The following FAXDC2 variants were observed in gnomAD, a reference collection of about 807,000 sequenced individuals.
FAXDC2 encodes fatty acid hydroxylase domain containing 2, also known as fatty acid hydroxylase domain-containing protein 2.
Under a neutral mutation model 40.9 loss-of-function variants are expected in FAXDC2, and 41 were observed. The observed-to-expected ratio is 1.00, with a 90% CI of 0.78 to 1.30. FAXDC2 has a LOEUF of 1.30. FAXDC2 is among the 50% of genes most tolerant of loss of function. The pLI is 0.00. For missense variants in FAXDC2, 390 were observed against 408.8 expected (o/e 0.95, Z 0.40); for synonymous variants, 157 against 149.3 (o/e 1.05, Z -0.38).
rs1057188569 is a variant in FAXDC2, at chr5:154,820,221, G to A, written c.*95C>T. On this transcript the variant is annotated 3_prime_UTR_variant, in exon 9 of 9. Transcript: ENST00000326080. ...ACCCTGGTGGTGCCATCATTAGGGC[G>A]TGTGGCCGAAGGAGGCAAATTGTTA... The A allele has an allele frequency of 3.6e-5, 36 of 1,007,172 alleles. 1 individual carries two copies. The highest frequency in any genetic ancestry group is 9.7e-5 in the South Asian group (6 of 61,798). 62.4% of individuals were successfully genotyped at this position (1,007,172 alleles called of 1,614,324 possible). A position where few individuals can be genotyped will look rare whatever the true frequency, so the allele number is the denominator to read the frequency against.
intron 1 of FAXDC2, among the ~76,000 whole-genome samples, chr5:154,840,060 G>T (rs1203561451): frequency 6.6e-6 from 1 of 152,206 alleles, no homozygotes; most frequent in African/African-American, 2.4e-5. Flanking sequence ...TGACCTCCCA[G>T]AGTCTATAGA....
At position 154,833,350 on chromosome 5, in the gene FAXDC2, G is replaced by T. The variant is rs866745202; in HGVS notation, c.244+1275C>A. On this transcript the variant is annotated intron_variant, in intron 4 of 8. Transcript: ENST00000326080. ...CTAATCTTGGCCTATCTTAATTTTT[G>T]TTTTTTTTTTTTTGAGACAGAGTCG... Among the ~76,000 whole-genome samples, 1,051 of 125,864 alleles carry T rather than the reference G, an allele frequency of 8.4e-3. 10 individuals carry two copies. The highest frequency in any genetic ancestry group is 0.023 in the African/African-American group (801 of 34,166). The allele number at this position is 125,864 out of a possible 152,430, so 82.6% of individuals were successfully genotyped here. A position where few individuals can be genotyped will look rare whatever the true frequency, so the allele number is the denominator to read the frequency against.
At chr5:154,830,638 G>T (rs1760164490) in intron 5 of FAXDC2, 163 bp downstream of exon 5, 1 of 718,884 alleles carries the variant, frequency 1.4e-6, no homozygotes, top group Admixed American at 2.7e-5. Flanking sequence ...GAGGTTGTGG[G>T]CAAATTATTT....
At chr5:154,837,612 TCA>T (rs1244279027) in intron 2 of FAXDC2, among the ~76,000 whole-genome samples, 7 of 152,152 alleles carry the variant, frequency 4.6e-5, no homozygotes, top group Non-Finnish European at 1.0e-4. Context: ...AATTAAAACC[TCA>T]GTTTCACATA....
At position 154,838,170 on chromosome 5, in the gene FAXDC2, T is replaced by G. The variant is rs1463627435; in HGVS notation, c.9A>C (p.Gly3=). 1 of 1,613,660 alleles carries G rather than the reference T, an allele frequency of 6.2e-7. No homozygotes were observed. Among genetic ancestry groups the G allele is most frequent in the East Asian group, 2.2e-5 (1 of 44,848 alleles). The part of the protein sequence containing the change: MK[G]EAGHMLHNEK... Reference sequence around the variant, plus strand: ...CATTGTGTAGCATATGTCCAGCTTCTCCTTTCATCTGGAATGAGAAAGCAC... The same window carrying G: ...CATTGTGTAGCATATGTCCAGCTTCGCCTTTCATCTGGAATGAGAAAGCAC... Residue 3 remains glycine (G), a synonymous_variant, in exon 2 of 9, where the codon GGA becomes GGC. Transcript: ENST00000326080.
At chr5:154,840,511 A>G (rs1193972355) in intron 1 of FAXDC2, among the ~76,000 whole-genome samples, 1 of 151,450 alleles carries the variant, frequency 6.6e-6, no homozygotes, top group Non-Finnish European at 1.5e-5. Flanking sequence ...GGTGTACACC[A>G]CCATGCCCAG....
rs910695174 is a variant in FAXDC2, at chr5:154,820,162, G to C, written c.*154C>G. ...GTAGTTTGAAGAAAGCCTCATCCTT[G>C]GCCCTGCTTTTCCGGGAAGCCGACC... On this transcript the variant is annotated 3_prime_UTR_variant, in exon 9 of 9. Transcript: ENST00000326080. 4.8e-6 allele frequency: 3 copies of C among 623,482 alleles called. No individual in the cohort carries two copies. The highest frequency in any genetic ancestry group is 8.7e-6 in the Non-Finnish European group (3 of 345,258). The allele number at this position is 623,482 out of a possible 1,614,324, so 38.6% of individuals were successfully genotyped here. A position where few individuals can be genotyped will look rare whatever the true frequency, so the allele number is the denominator to read the frequency against.
chr5:154,823,262 C>T, intron 6 of FAXDC2, 125 bp downstream of exon 6: 3 of 833,134 alleles, frequency 3.6e-6, no homozygotes, highest in East Asian at 2.6e-5. Context: ...GATCCGCCCA[C>T]CTCAGCCTCC....
chr5:154,850,585 T>C lies in FAXDC2; in HGVS notation c.-103A>G, dbSNP rs763005126. Reference sequence around the variant, plus strand: ...CTTTGGTGGCTGTTGCTGCTGCGGCTCTGCTGCAGGCTAACCTTGTTTTTG... The same window carrying C: ...CTTTGGTGGCTGTTGCTGCTGCGGCCCTGCTGCAGGCTAACCTTGTTTTTG... On this transcript the variant is annotated 5_prime_UTR_variant, in exon 1 of 9. Coordinates refer to ENST00000326080, the MANE Select transcript of FAXDC2 (RefSeq NM_032385.5). The C allele has an allele frequency of 6.6e-6, 1 of 152,454 alleles. No homozygotes were observed. Among genetic ancestry groups the C allele is most frequent in the South Asian group, 2.1e-4 (1 of 4,828 alleles). The allele number at this position is 152,454 out of a possible 1,614,324, so 9.4% of individuals were successfully genotyped here.
chr5:154,837,196 G>A (rs1052414316), intron 2 of FAXDC2, among the ~76,000 whole-genome samples: 5 of 151,866 alleles, frequency 3.3e-5, no homozygotes, highest in African/African-American at 9.7e-5. Context: ...TCACTGACTC[G>A]CATTCTCTCA....
chr5:154,846,752 G>A lies in FAXDC2; in HGVS notation c.-1+3731C>T, dbSNP rs936842978. Among the ~76,000 whole-genome samples, 31 of 151,856 alleles carry A rather than the reference G, an allele frequency of 2.0e-4. 2 individuals are homozygous for A. The highest frequency in any genetic ancestry group is 1.6e-3 in the Admixed American group (24 of 15,244). ...AAGTGAATTTGATATTCTATTGTGA[G>A]TTTATCCAAATTTTATTTATTTATT... is the stretch of plus-strand genomic sequence containing the variant. On this transcript the variant is annotated intron_variant, in intron 1 of 8. Transcript: ENST00000326080.
rs974161332 is a variant in FAXDC2 at position 154,823,484 on chromosome 5, C to T, written c.475G>A (p.Asp159Asn). 5.0e-6 allele frequency: 8 copies of T among 1,614,146 alleles called. No homozygotes were observed. The highest frequency in any genetic ancestry group is 4.5e-5 in the East Asian group (2 of 44,882). The stretch of plus-strand genomic sequence containing the variant: ...GTGGGTAGCTCACGGCGGCAGGGGT[C>T]TCTCCACCATTTGAGGAAGGGATAG... ...FLYPFLKWWR[D>N]PCRRELPTFH... The change falls in exon 6 of 9, where the codon GAC (aspartate) becomes AAC (asparagine). Residue 159 changes from aspartate (D) to asparagine (N), a missense_variant. Physicochemically the swap from Asp to Asn is conservative, Grantham distance 23 (BLOSUM62 1). Transcript: ENST00000326080.
rs762774072 is a variant in FAXDC2, at chr5:154,823,555, A to C, written c.404T>G (p.Val135Gly). Residue 135 changes from valine (V) to glycine (G), a missense_variant, in exon 6 of 9, where the codon GTT becomes GGT. By Grantham distance (109) the Val-to-Gly change is moderately radical. Coordinates refer to ENST00000326080, the MANE Select transcript of FAXDC2 (RefSeq NM_032385.5). The part of the protein sequence containing the change: ...PVKLRQSIRT[V>G]LFNQCMISFP... ...AGATATCATGCACTGGTTGAAAAGA[A>C]CTGTGCGGATAGACTGGCGCAGTTT... is the stretch of plus-strand genomic sequence containing the variant. 2 of 1,614,176 alleles carry C rather than the reference A, an allele frequency of 1.2e-6. No homozygotes were observed. The highest frequency in any genetic ancestry group is 1.1e-5 in the South Asian group (1 of 91,076).
intron 1 of FAXDC2, 140 bp from the exon 2 acceptor site, chr5:154,838,318 C>G: frequency 1.4e-6 from 1 of 702,526 alleles, no homozygotes; most frequent in Non-Finnish European, 2.4e-6. Context: ...TTCCTGAAAC[C>G]AGACAAATTG....
At chr5:154,840,880 GA>G (rs1459317099) in intron 1 of FAXDC2, among the ~76,000 whole-genome samples, 1 of 152,146 alleles carries the variant, frequency 6.6e-6, no homozygotes, top group Non-Finnish European at 1.5e-5. Flanking sequence ...TTAGGCTGAA[GA>G]AAGGAAGAGA....
chr5:154,824,800 T>C (rs1010278188), intron 5 of FAXDC2: 3 of 464,134 alleles, frequency 6.5e-6, no homozygotes, highest in African/African-American at 2.0e-5. Flanking sequence ...TAAAAACATA[T>C]ATATCAGGCT....
At chr5:154,823,237 C>T in intron 6 of FAXDC2, 150 bp downstream of exon 6, 1 of 676,606 alleles carries the variant, frequency 1.5e-6, no homozygotes, top group Non-Finnish European at 2.5e-6. Context: ...TAGTCTCAAA[C>T]TCCTGGGCTC....
intron 8 of FAXDC2, 200 bp from the exon 9 acceptor site, chr5:154,820,672 G>T (rs769497718): frequency 2.1e-6 from 1 of 475,070 alleles, no homozygotes; most frequent in Non-Finnish European, 3.8e-6. Context: ...GCAATTTGCC[G>T]TATCTGGAGT....
chr5:154,835,254 T>A (rs1353611978), intron 2 of FAXDC2: 1 of 253,374 alleles, frequency 3.9e-6, no homozygotes, highest in African/African-American at 2.3e-5. Context: ...TAGGATTTCA[T>A]CACCAGTCCT....
Sources: allele counts gnomAD v4.1 joint callset (sites outside exome capture counted in the v4.1 genomes callset), GRCh38; gene constraint gnomAD v4.1.1; transcripts MANE v1.5; gene names NCBI Gene and HGNC (gene_info 2026-07-23, HGNC 2026-07-21).